Variants in MGLL observed in about 807,000 individuals in gnomAD.
The protein encoded by MGLL is monoglyceride lipase, also known as lysophospholipase homolog.
In MGLL, 7 loss-of-function variants were observed where a neutral mutation model predicts 29.1. That is an observed-to-expected ratio of 0.24 (90% confidence interval 0.14 to 0.45). The LOEUF is 0.45. Ranked by LOEUF, MGLL falls within the 20% of genes least tolerant of loss-of-function variation. MGLL has a pLI of 0.99. For synonymous variants in MGLL, 148 were observed against 168.3 expected (o/e 0.88, Z 0.93); for missense variants, 356 against 413.6 (o/e 0.86, Z 1.21).
intron 3 of MGLL, among the ~76,000 whole-genome samples, chr3:127,752,437 C>T (rs932079128): frequency 2.6e-5 from 4 of 152,240 alleles, no homozygotes; most frequent in Admixed American, 2.6e-4. Context: ...TTTCCATAAA[C>T]AGCACTTTAT....
At chr3:127,727,796 C>G (rs9877209) in intron 3 of MGLL, among the ~76,000 whole-genome samples, 52,949 of 146,456 alleles carry the variant, frequency 0.36, 10,204 homozygotes, top group Non-Finnish European at 0.45. Context: ...TATCTCTTTT[C>G]TTTTACACTG....
chr3:127,773,800 C>A (rs1371972011), intron 3 of MGLL, among the ~76,000 whole-genome samples: 1 of 152,168 alleles, frequency 6.6e-6, no homozygotes, highest in Non-Finnish European at 1.5e-5. Context: ...ACCTCTCTGC[C>A]AAATCTTGTT....
intron 3 of MGLL, among the ~76,000 whole-genome samples, chr3:127,734,910 G>T (rs2076218073): frequency 6.6e-6 from 1 of 152,176 alleles, no homozygotes; most frequent in South Asian, 2.1e-4. Context: ...TGCATTCCTG[G>T]CCAACCCACA....
intron 5 of MGLL, among the ~76,000 whole-genome samples, chr3:127,719,241 G>A (rs990529858): frequency 6.6e-6 from 1 of 152,228 alleles, no homozygotes; most frequent in Non-Finnish European, 1.5e-5. Context: ...CCACCTCCAG[G>A]CCCAGCTGCC....
rs142767095 is a variant in MGLL, at chr3:127,725,801, C to T, written c.263-3235G>A. 5.2e-3 allele frequency among the ~76,000 whole-genome samples: 795 copies of T among 152,238 alleles called. 6 individuals carry two copies. Among genetic ancestry groups the T allele is most frequent in the African/African-American group, 0.018 (752 of 41,526 alleles). On this transcript the variant is annotated intron_variant, in intron 3 of 7. Transcript: ENST00000265052. ...AAATTGCAGGCTGGGCAAGGTGGCTCACATCTGTAATCCCAGTGCTTTGGG... is the reference window on the plus strand; with the variant it reads ...AAATTGCAGGCTGGGCAAGGTGGCTTACATCTGTAATCCCAGTGCTTTGGG...
chr3:127,762,311 T>C (rs1208947265), intron 3 of MGLL, among the ~76,000 whole-genome samples: 4 of 152,064 alleles, frequency 2.6e-5, no homozygotes, highest in Non-Finnish European at 5.9e-5. Flanking sequence ...TTTTAGTTCT[T>C]GGTGGGCCAG....
chr3:127,782,887 C>T (rs2077151945), intron 2 of MGLL, among the ~76,000 whole-genome samples: 1 of 152,032 alleles, frequency 6.6e-6, no homozygotes, highest in Non-Finnish European at 1.5e-5. Flanking sequence ...GAGTGAAATG[C>T]ATAGAAGTTA....
At chr3:127,762,518 TA>T (rs2076783877) in intron 3 of MGLL, among the ~76,000 whole-genome samples, 1 of 152,208 alleles carries the variant, frequency 6.6e-6, no homozygotes, top group Admixed American at 6.5e-5. Flanking sequence ...TTTTGAAGTT[TA>T]ATTTACGAAA....
In MGLL at chr3:127,691,899, A is replaced by G. The variant is rs2075252517; in HGVS notation, c.*299T>C. 1 of 387,940 alleles carries G rather than the reference A, an allele frequency of 2.6e-6. No homozygotes were observed. Among genetic ancestry groups the G allele is most frequent in the African/African-American group, 2.1e-5 (1 of 48,332 alleles). 24.0% of individuals were successfully genotyped at this position (387,940 alleles called of 1,614,324 possible). On this transcript the variant is annotated 3_prime_UTR_variant, in exon 8 of 8. Transcript: ENST00000265052. ...CTGGAACCCTTGTGGGAGCTGGGAG[A>G]GGCAGGGCAGAGGCTTGGCTTTGTT...
chr3:127,767,170 C>CCCACCAAT (rs11281423), intron 3 of MGLL, among the ~76,000 whole-genome samples: 1 of 152,028 alleles, frequency 6.6e-6, no homozygotes, highest in Non-Finnish European at 1.5e-5. Context: ...CACCATCACT[C>CCCACCAAT]ATTACCATCA....
At chr3:127,697,380 G>A in intron 6 of MGLL, among the ~76,000 whole-genome samples, 1 of 152,232 alleles carries the variant, frequency 6.6e-6, no homozygotes, top group East Asian at 1.9e-4. Context: ...TGTCTGCCCG[G>A]CACTAAGTGT....
intron 3 of MGLL, chr3:127,736,114 G>T: frequency 1.7e-6 from 2 of 1,157,542 alleles, no homozygotes; most frequent in Middle Eastern, 7.0e-4. Context: ...CCATTGTTTG[G>T]AGCTCAGGGT....
intron 3 of MGLL, among the ~76,000 whole-genome samples, chr3:127,756,633 T>C (rs1344210342): frequency 1.3e-5 from 2 of 152,218 alleles, no homozygotes; most frequent in East Asian, 3.8e-4. Flanking sequence ...GGCCTCACCA[T>C]ACCTGAATCA....
chr3:127,793,398 A>G (rs1288595909), intron 2 of MGLL, among the ~76,000 whole-genome samples: 1 of 152,236 alleles, frequency 6.6e-6, no homozygotes, highest in Non-Finnish European at 1.5e-5. Flanking sequence ...TAAGAATGAT[A>G]ACAGTAACAT....
At chr3:127,818,893 A>C (rs1368036182) in intron 2 of MGLL, among the ~76,000 whole-genome samples, 6 of 152,202 alleles carry the variant, frequency 3.9e-5, no homozygotes, top group Admixed American at 6.5e-5. Flanking sequence ...CATACCTGGC[A>C]CTCAATTAAT....
chr3:127,764,875 T>C (rs1190241893), intron 3 of MGLL, among the ~76,000 whole-genome samples: 6 of 152,112 alleles, frequency 3.9e-5, no homozygotes, highest in African/African-American at 1.2e-4. Flanking sequence ...GCTCATTTGG[T>C]TCCTTTTTAA....
intron 5 of MGLL, 150 bp from the exon 6 acceptor site, chr3:127,710,815 C>T: frequency 2.8e-6 from 2 of 723,024 alleles, no homozygotes; most frequent in Non-Finnish European, 4.9e-6. Flanking sequence ...CTTAAGCCTG[C>T]ATGCCCAAGG....
rs554989003 is a variant in MGLL, at chr3:127,784,763, C to T, written c.156-2868G>A. On this transcript the variant is annotated intron_variant, in intron 2 of 7. Transcript: ENST00000265052. ...GTCTGGATTCAGATCCTGCCTGGAC[C>T]CCGATTCAGATAACTCAATCTCCCC... 4.6e-5 allele frequency among the ~76,000 whole-genome samples: 7 copies of T among 152,266 alleles called. No homozygotes were observed. In the South Asian group the frequency reaches 1.5e-3, roughly 32 times the overall value.
At chr3:127,695,605 G>C (rs894362405) in intron 6 of MGLL, among the ~76,000 whole-genome samples, 1 of 152,140 alleles carries the variant, frequency 6.6e-6, no homozygotes, top group African/African-American at 2.4e-5. Context: ...CTAGCTGGGC[G>C]TGGTGGTGGG....
Sources: gnomAD v4.1 joint callset for allele counts (sites outside exome capture counted in the v4.1 genomes callset) on GRCh38, gnomAD v4.1.1 for gene constraint, MANE v1.5 for transcripts, NCBI Gene and HGNC (gene_info 2026-07-23, HGNC 2026-07-21) for gene names.